The following RBFOX3 variants were observed in gnomAD, a reference collection of about 807,000 sequenced individuals.
RBFOX3 encodes the protein RNA binding fox-1 homolog 3, also known as RNA binding protein fox-1 homolog 3.
A neutral mutation model predicts 48.7 loss-of-function variants in RBFOX3; 17 were observed. The ratio of observed to expected loss-of-function variants is 0.35; its 90% CI spans 0.24 to 0.52. The LOEUF (loss-of-function observed/expected upper bound fraction) is 0.52, where lower values mean the gene tolerates loss of function less well. Ranked by LOEUF, RBFOX3 falls within the 20% of genes least tolerant of loss-of-function variation. RBFOX3 has a pLI of 0.94. For synonymous variants in RBFOX3, 212 were observed against 209.5 expected (o/e 1.01, Z -0.10); for missense variants, 382 against 497.5 (o/e 0.77, Z 2.21).
In RBFOX3 at chr17:79,348,513, C is replaced by T. The variant is rs116401051; in HGVS notation, c.-174-40689G>A. Among the ~76,000 whole-genome samples, 687 of 150,754 alleles carry T rather than the reference C, an allele frequency of 4.6e-3. 5 individuals are homozygous for T. Among genetic ancestry groups the T allele is most frequent in the African/African-American group, 0.016 (660 of 41,044 alleles). Reference sequence around the variant, plus strand: ...TCTTCCCCTAGGGGTGAGTTTGGAGCAAGGAGCTAGTGGTCTTGCTGGTTA... The same window carrying T: ...TCTTCCCCTAGGGGTGAGTTTGGAGTAAGGAGCTAGTGGTCTTGCTGGTTA... On this transcript the variant is annotated intron_variant, in intron 2 of 14. Transcript: ENST00000693108.
At position 79,212,423 on chromosome 17, in the gene RBFOX3, G is replaced by A. The variant is rs1010682886; in HGVS notation, c.-34+23343C>T. The stretch of plus-strand genomic sequence containing the variant: ...TGCAGCCGGGCTCCTGGCGCTGCCC[G>A]TTCCCAATTTCTCCTTCCTGTAGGA... On this transcript the variant is annotated intron_variant, in intron 4 of 14. Transcript: ENST00000693108. The surrounding 1 kb of genome is among the most constrained non-coding windows in gnomAD (Gnocchi z 4.7). 4.6e-5 allele frequency among the ~76,000 whole-genome samples: 7 copies of A among 152,272 alleles called. No homozygotes were observed. The highest frequency in any genetic ancestry group is 7.2e-5 in the African/African-American group (3 of 41,568).
chr17:79,410,893 G>A (rs1445263174), intron 2 of RBFOX3, among the ~76,000 whole-genome samples: 1 of 152,160 alleles, frequency 6.6e-6, no homozygotes, highest in African/African-American at 2.4e-5. Context: ...GGCACCAGCA[G>A]GTGCTTGCTC....
intron 3 of RBFOX3, among the ~76,000 whole-genome samples, chr17:79,295,948 G>A (rs2074266235): frequency 6.6e-6 from 1 of 152,046 alleles, no homozygotes; most frequent in South Asian, 2.1e-4. Flanking sequence ...AATAATAGAT[G>A]AGCCAGCGTC....
chr17:79,308,620 A>G (rs893342560), intron 2 of RBFOX3, among the ~76,000 whole-genome samples: 2 of 152,032 alleles, frequency 1.3e-5, no homozygotes, highest in Non-Finnish European at 2.9e-5. Flanking sequence ...GCCAAATGTG[A>G]TGGTATTTGA....
intron 4 of RBFOX3, among the ~76,000 whole-genome samples, chr17:79,215,745 A>G (rs971199913): frequency 6.6e-6 from 1 of 152,250 alleles, no homozygotes; most frequent in Admixed American, 6.5e-5. Context: ...GCTCTGCTGT[A>G]GGCAGCCATG....
At chr17:79,306,367 C>T (rs1279242259) in intron 3 of RBFOX3, among the ~76,000 whole-genome samples, 8 of 152,260 alleles carry the variant, frequency 5.3e-5, no homozygotes, top group Non-Finnish European at 2.9e-5. Flanking sequence ...GAGCGCCAGC[C>T]ATGGCCCGCA....
At chr17:79,134,449 C>G (rs753761956) in intron 4 of RBFOX3, among the ~76,000 whole-genome samples, 2 of 152,196 alleles carry the variant, frequency 1.3e-5, no homozygotes, top group African/African-American at 2.4e-5. Context: ...TGGGTGCTCA[C>G]GCCTGGTCGG....
At chr17:79,344,088 G>T (rs575941772) in intron 2 of RBFOX3, among the ~76,000 whole-genome samples, 6 of 152,142 alleles carry the variant, frequency 3.9e-5, no homozygotes, top group Non-Finnish European at 8.8e-5. Flanking sequence ...GTTAGTGTGG[G>T]CTACATGCAC....
intron 1 of RBFOX3, among the ~76,000 whole-genome samples, chr17:79,579,588 C>T (rs2092978268): frequency 6.6e-6 from 1 of 152,096 alleles, no homozygotes; most frequent in Non-Finnish European, 1.5e-5. Context: ...AGGAGGCAAG[C>T]TCCGGGGCTG....
intron 4 of RBFOX3, among the ~76,000 whole-genome samples, chr17:79,141,382 A>G (rs1795951): frequency 0.61 from 92,069 of 152,150 alleles, 31,477 homozygotes; most frequent in Non-Finnish European, 0.79. Flanking sequence ...CAGAGTTCAC[A>G]CAGGCAGAAG....
chr17:79,240,783 C>A (rs2062245134), intron 3 of RBFOX3, among the ~76,000 whole-genome samples: 1 of 152,026 alleles, frequency 6.6e-6, no homozygotes, highest in Non-Finnish European at 1.5e-5. Context: ...CCTGCCTCAG[C>A]CTTCCAAGTA....
intron 4 of RBFOX3, among the ~76,000 whole-genome samples, chr17:79,155,306 ACTC>A (rs780417914): frequency 8.1e-4 from 122 of 151,194 alleles, no homozygotes; most frequent in Non-Finnish European, 1.4e-3. Flanking sequence ...AATCACTCAG[ACTC>A]CTCAACACTT....
At chr17:79,177,356 G>A (rs2050802372) in intron 4 of RBFOX3, among the ~76,000 whole-genome samples, 1 of 152,252 alleles carries the variant, frequency 6.6e-6, no homozygotes, top group Non-Finnish European at 1.5e-5. Context: ...AGCCGTTTGT[G>A]CTTCCCAAGT....
rs1383880672 is a variant in RBFOX3 at position 79,212,928 on chromosome 17, C to T, written c.-34+22838G>A. Reference sequence around the variant, plus strand: ...GGAGTGCAGTGGCGCAATCTCAGATCACTGCAACCTCCGTCTCCCAGGTTC... The same window carrying T: ...GGAGTGCAGTGGCGCAATCTCAGATTACTGCAACCTCCGTCTCCCAGGTTC... On this transcript the variant is annotated intron_variant, in intron 4 of 14. Transcript: ENST00000693108. The surrounding 1 kb of genome is among the most constrained non-coding windows in gnomAD (Gnocchi z 4.7). Among the ~76,000 whole-genome samples, 1 of 152,194 alleles carries T rather than the reference C, an allele frequency of 6.6e-6. No individual in the cohort carries two copies. The highest frequency in any genetic ancestry group is 1.5e-5 in the Non-Finnish European group (1 of 68,034).
intron 1 of RBFOX3, among the ~76,000 whole-genome samples, chr17:79,602,784 G>A (rs958461564): frequency 4.5e-4 from 68 of 152,118 alleles, no homozygotes; most frequent in Non-Finnish European, 5.4e-4. Flanking sequence ...CTCAGCCTGC[G>A]CGGTAAGCGA....
chr17:79,377,047 G>T (rs182017782), intron 2 of RBFOX3, among the ~76,000 whole-genome samples: 11 of 152,252 alleles, frequency 7.2e-5, no homozygotes, highest in Non-Finnish European at 1.5e-4. Flanking sequence ...TGTTCTTAGA[G>T]AAACCGCAGT....
rs1159727711 is a variant in RBFOX3, at chr17:79,535,669, C to A, written c.-319-53071G>T. Among the ~76,000 whole-genome samples, 1 of 152,172 alleles carries A rather than the reference C, an allele frequency of 6.6e-6. No homozygotes were observed. The highest frequency in any genetic ancestry group is 2.4e-5 in the African/African-American group (1 of 41,440). Reference sequence around the variant, plus strand: ...AGCCAGCCCACAAAGACACAGTATGCGCAGCCAGGCAAGGTTGCCTGTGTT... The same window carrying A: ...AGCCAGCCCACAAAGACACAGTATGAGCAGCCAGGCAAGGTTGCCTGTGTT... On this transcript the variant is annotated intron_variant, in intron 1 of 14. Coordinates refer to ENST00000693108, the MANE Select transcript of RBFOX3 (RefSeq NM_001350451.2). The surrounding 1 kb of genome is among the most constrained non-coding windows in gnomAD (Gnocchi z 4.5).
the RBFOX3 span, among the ~76,000 whole-genome samples, chr17:79,661,786 G>C: frequency 6.6e-6 from 1 of 152,176 alleles, no homozygotes; most frequent in Non-Finnish European, 1.5e-5. Flanking sequence ...ATTCACTGTA[G>C]CCATTCCAGT....
chr17:79,211,286 C>G (rs1274023778), intron 4 of RBFOX3, among the ~76,000 whole-genome samples: 1 of 152,190 alleles, frequency 6.6e-6, no homozygotes, highest in Non-Finnish European at 1.5e-5. Flanking sequence ...CTCATTTTGG[C>G]ACACGGCAGC....
Sources: allele counts gnomAD v4.1 joint callset (sites outside exome capture counted in the v4.1 genomes callset), GRCh38; gene constraint gnomAD v4.1.1; non-coding constraint Gnocchi (gnomAD v3.1); transcripts MANE v1.5; gene names NCBI Gene and HGNC (gene_info 2026-07-23, HGNC 2026-07-21).